The following ASRGL1 variants were observed in gnomAD, a reference collection of about 807,000 sequenced individuals.
The protein encoded by ASRGL1 is asparaginase and isoaspartyl peptidase 1.
ASRGL1 carries 16 observed loss-of-function variants against 22.4 expected under a neutral mutation model. That is an observed-to-expected ratio of 0.71 (90% CI 0.48 to 1.08). The LOEUF (loss-of-function observed/expected upper bound fraction) is 1.08, where lower values mean the gene tolerates loss of function less well. Among genes scored for constraint, ASRGL1 ranks in the 50% least tolerant of loss-of-function variants. The pLI, the probability that ASRGL1 is intolerant of heterozygous loss-of-function variation, is 0.00. For missense variants in ASRGL1, 412 were observed against 410.1 expected, an observed-to-expected ratio of 1.00 and a Z score of -0.04; for synonymous variants, 165 against 159.3, an observed-to-expected ratio of 1.04 and a Z score of -0.27.
At chr11:62,369,938 A>T (rs1431139589) in intron 4 of ASRGL1, among the ~76,000 whole-genome samples, 1 of 152,110 alleles carries the variant, frequency 6.6e-6, no homozygotes, top group Non-Finnish European at 1.5e-5. Context: ...TGATTTGCCA[A>T]TTTTTTATCA....
downstream of ASRGL1, among the ~76,000 whole-genome samples, chr11:62,396,307 A>T (rs1467422205): frequency 2.6e-5 from 4 of 151,822 alleles, no homozygotes; most frequent in Non-Finnish European, 5.9e-5. Context: ...CCAGAATGTA[A>T]ATGCCATTAA....
intron 2 of ASRGL1, among the ~76,000 whole-genome samples, chr11:62,348,684 CAG>C (rs1301684525): frequency 6.6e-6 from 1 of 150,606 alleles, no homozygotes; most frequent in African/African-American, 2.4e-5. Flanking sequence ...GCCTGGGTGA[CAG>C]AGCGAGACTC....
At chr11:62,342,832 A>G (rs2134569754) in intron 2 of ASRGL1, among the ~76,000 whole-genome samples, 1 of 152,268 alleles carries the variant, frequency 6.6e-6, no homozygotes, top group East Asian at 1.9e-4. Flanking sequence ...AACATAATAC[A>G]TTAAAGTGTT....
intron 4 of ASRGL1, among the ~76,000 whole-genome samples, chr11:62,374,137 G>C (rs751675544): frequency 2.2e-4 from 33 of 152,194 alleles, no homozygotes; most frequent in Non-Finnish European, 4.3e-4. Flanking sequence ...CCATCCTGTT[G>C]CTGAGACTCG....
At chr11:62,338,941 A>AAAAAAG (rs1945799058) in intron 2 of ASRGL1, among the ~76,000 whole-genome samples, 3 of 151,664 alleles carry the variant, frequency 2.0e-5, no homozygotes, top group Non-Finnish European at 4.4e-5. Context: ...TCAAAAAAAA[A>AAAAAAG]AAAAAAAACT....
At chr11:62,381,367 C>T (rs538327905) in intron 4 of ASRGL1, among the ~76,000 whole-genome samples, 1 of 152,278 alleles carries the variant, frequency 6.6e-6, no homozygotes, top group African/African-American at 2.4e-5. Context: ...TTGACCGAGC[C>T]ATTACAGACT....
At position 62,362,510 on chromosome 11, in the gene ASRGL1, A is replaced by G. The variant is rs59612043; in HGVS notation, c.491+5366A>G. ...TAATATATATTATATAAAATATATA[A>G]CATATATTATTTATATAATATATAT... is the stretch of plus-strand genomic sequence containing the variant. On this transcript the variant is annotated intron_variant, in intron 4 of 6. Transcript: ENST00000415229. 4.1e-5 allele frequency among the ~76,000 whole-genome samples: 2 copies of G among 48,276 alleles called. 1 individual carries two copies. Among genetic ancestry groups the G allele is most frequent in the Admixed American group, 5.8e-4 (2 of 3,430 alleles). 31.7% of individuals were successfully genotyped at this position (48,276 alleles called of 152,430 possible). A position where few individuals can be genotyped will look rare whatever the true frequency, so the allele number is the denominator to read the frequency against.
intron 4 of ASRGL1, among the ~76,000 whole-genome samples, chr11:62,368,848 CCACTAGCA>C (rs564244298): frequency 5.9e-5 from 9 of 152,130 alleles, no homozygotes; most frequent in Non-Finnish European, 1.0e-4. Context: ...AGCAGTATTG[CCACTAGCA>C]CATCTCAGCT....
At chr11:62,399,586 ACTCAGCCAGCCCCTGGCCAGGGT>A in the ASRGL1 span, among the ~76,000 whole-genome samples, 1 of 151,848 alleles carries the variant, frequency 6.6e-6, no homozygotes, top group Non-Finnish European at 1.5e-5. Context: ...CCCCTCCCCA[ACTCAGCCAGCCCCTGGCCAGGGT>A]CTGCCTGCAG....
chr11:62,364,373 G>C (rs1473107552), intron 4 of ASRGL1, among the ~76,000 whole-genome samples: 1 of 152,096 alleles, frequency 6.6e-6, no homozygotes, highest in Admixed American at 6.6e-5. Context: ...CTGGTAGTTT[G>C]TCAACTTTCA....
chr11:62,398,541 C>T, the ASRGL1 span, among the ~76,000 whole-genome samples: 1 of 152,290 alleles, frequency 6.6e-6, no homozygotes, highest in African/African-American at 2.4e-5. Context: ...TCCCCGGGGG[C>T]TCGAACCCCC....
intron 2 of ASRGL1, among the ~76,000 whole-genome samples, chr11:62,346,877 C>T (rs908832639): frequency 6.6e-6 from 1 of 150,780 alleles, no homozygotes; most frequent in African/African-American, 2.4e-5. Context: ...GCCTGAGGCA[C>T]GAGAATCACT....
intron 2 of ASRGL1, among the ~76,000 whole-genome samples, chr11:62,346,175 T>C (rs1946015680): frequency 6.6e-6 from 1 of 152,140 alleles, no homozygotes; most frequent in Admixed American, 6.5e-5. Context: ...CAACCAGCTA[T>C]AAATTGGGGT....
intron 2 of ASRGL1, among the ~76,000 whole-genome samples, chr11:62,347,385 G>A (rs576750622): frequency 2.0e-5 from 3 of 152,272 alleles, no homozygotes; most frequent in African/African-American, 7.2e-5. Flanking sequence ...GGAGATAGAG[G>A]GGTGAGACTG....
intron 4 of ASRGL1, among the ~76,000 whole-genome samples, chr11:62,369,500 T>C (rs1419584481): frequency 6.6e-6 from 1 of 152,160 alleles, no homozygotes; most frequent in Non-Finnish European, 1.5e-5. Flanking sequence ...TGGCTCGTTC[T>C]TGACGGTCGC....
intron 4 of ASRGL1, among the ~76,000 whole-genome samples, chr11:62,360,569 GAAGCAGTAA>G (rs1190124204): frequency 6.6e-6 from 1 of 152,084 alleles, no homozygotes; most frequent in Non-Finnish European, 1.5e-5. Flanking sequence ...TCCAACACTG[GAAGCAGTAA>G]AAGCAAGCAG....
intron 4 of ASRGL1, among the ~76,000 whole-genome samples, chr11:62,362,461 T>TATATATATTATATAATATATATATA: frequency 9.9e-6 from 1 of 101,226 alleles, no homozygotes; most frequent in South Asian, 3.1e-4. Flanking sequence ...ACCAAAAATA[T>TATATATATTATATAATATATATATA]ATATATATTA....
intron 4 of ASRGL1, among the ~76,000 whole-genome samples, chr11:62,380,845 G>A (rs1022011156): frequency 4.6e-5 from 7 of 152,110 alleles, no homozygotes; most frequent in Admixed American, 4.6e-4. Context: ...AGGTGGCATC[G>A]GTACTGGGAA....
At chr11:62,385,425 TC>T (rs2134692493) in intron 4 of ASRGL1, among the ~76,000 whole-genome samples, 1 of 152,298 alleles carries the variant, frequency 6.6e-6, no homozygotes, top group Non-Finnish European at 1.5e-5. Context: ...TCCTACCTCT[TC>T]CTCTTGAGTA....
Sources: allele counts gnomAD v4.1 joint callset (sites outside exome capture counted in the v4.1 genomes callset), GRCh38; gene constraint gnomAD v4.1.1; transcripts MANE v1.5; gene names NCBI Gene and HGNC (gene_info 2026-07-23, HGNC 2026-07-21).